ST6GAL2: variants seen among roughly 807,000 people sequenced by gnomAD.
The protein encoded by ST6GAL2 is ST6 beta-galactoside alpha-2,6-sialyltransferase 2, also known as beta-galactoside alpha-2,6-sialyltransferase 2.
Under a neutral mutation model 37.5 loss-of-function variants are expected in ST6GAL2, and 24 were observed. The ratio of observed to expected loss-of-function variants is 0.64; its 90% CI spans 0.46 to 0.90. The LOEUF (loss-of-function observed/expected upper bound fraction) is 0.90, where lower values mean the gene tolerates loss of function less well. ST6GAL2 is among the 40% of genes least tolerant of loss of function. The pLI, the probability that ST6GAL2 is intolerant of heterozygous loss-of-function variation, is 0.00. For missense variants in ST6GAL2, 715 were observed against 712.7 expected, an observed-to-expected ratio of 1.00 and a Z score of -0.04; for synonymous variants, 306 against 295.1, an observed-to-expected ratio of 1.04 and a Z score of -0.38.
In ST6GAL2 at chr2:106,806,542, GATT is replaced by G; in HGVS notation, c.*133_*135del. Reference sequence around the variant, plus strand: ...ATACTCAATGGCTTAGAAAGAGAAGGATTATCATGACCACCACTAAATTACTGT... The same window carrying G: ...ATACTCAATGGCTTAGAAAGAGAAGGATCATGACCACCACTAAATTACTGT... On this transcript the variant is annotated 3_prime_UTR_variant, in exon 6 of 6. Coordinates refer to ENST00000409382, the MANE Select transcript of ST6GAL2 (RefSeq NM_001142351.2). 3.1e-6 allele frequency: 3 copies of G among 968,340 alleles called. No individual in the cohort carries two copies. Among genetic ancestry groups the G allele is most frequent in the Non-Finnish European group, 4.6e-6 (3 of 650,450 alleles). 60.0% of individuals were successfully genotyped at this position (968,340 alleles called of 1,614,324 possible). A position where few individuals can be genotyped will look rare whatever the true frequency, so the allele number is the denominator to read the frequency against.
At chr2:106,810,898 C>T (rs887631675) in intron 5 of ST6GAL2, among the ~76,000 whole-genome samples, 11 of 152,006 alleles carry the variant, frequency 7.2e-5, no homozygotes, top group Admixed American at 6.5e-4. Flanking sequence ...CTGCAGTGAG[C>T]CATGATTGTG....
intron 1 of ST6GAL2, among the ~76,000 whole-genome samples, chr2:106,882,370 T>A (rs951222544): frequency 6.6e-6 from 1 of 152,194 alleles, no homozygotes; most frequent in Non-Finnish European, 1.5e-5. Flanking sequence ...GCACTTTACC[T>A]TCCTGAGGTT....
Position 106,805,744 on chromosome 2 carries a change from G to A in ST6GAL2, c.*934C>T, listed in dbSNP as rs995242895. 7.9e-5 allele frequency: 12 copies of A among 152,208 alleles called. No homozygotes were observed. Among genetic ancestry groups the A allele is most frequent in the African/African-American group, 2.9e-4 (12 of 41,442 alleles). The allele number at this position is 152,208 out of a possible 1,614,324, so 9.4% of individuals were successfully genotyped here. A position where few individuals can be genotyped will look rare whatever the true frequency, so the allele number is the denominator to read the frequency against. On this transcript the variant is annotated 3_prime_UTR_variant, in exon 6 of 6. Coordinates refer to ENST00000409382, the MANE Select transcript of ST6GAL2 (RefSeq NM_001142351.2). ...GCTCCAAAATCTTTCCTTCTAGTTT[G>A]GAAGGAGCAAGGTGTCTCCCGTCTT...
intron 1 of ST6GAL2, among the ~76,000 whole-genome samples, chr2:106,870,062 G>A (rs1678200282): frequency 6.6e-6 from 1 of 152,184 alleles, no homozygotes; most frequent in Non-Finnish European, 1.5e-5. Flanking sequence ...AGTGAGAGGA[G>A]GGTGGGAAAG....
chr2:106,834,000 A>C (rs769964281), intron 3 of ST6GAL2, 49 bp downstream of exon 3: 1 of 1,378,486 alleles, frequency 7.3e-7, no homozygotes, highest in Non-Finnish European at 1.0e-6. Context: ...TCACTCATCC[A>C]GTTAAACCTA....
In ST6GAL2 at chr2:106,802,683, A is replaced by G. The variant is rs1251712242; in HGVS notation, c.*3995T>C. ...TGGAGTTGCCTTGATCAGTCATGTA[A>G]CCACTGGGTAAGAGTTCTAAACTAT... is the stretch of plus-strand genomic sequence containing the variant. On this transcript the variant is annotated 3_prime_UTR_variant, in exon 6 of 6. Coordinates refer to ENST00000409382, the MANE Select transcript of ST6GAL2 (RefSeq NM_001142351.2). 6.6e-6 allele frequency: 1 copy of G among 152,230 alleles called. No homozygotes were observed. Among genetic ancestry groups the G allele is most frequent in the East Asian group, 1.9e-4 (1 of 5,202 alleles). The allele number at this position is 152,230 out of a possible 1,614,324, so 9.4% of individuals were successfully genotyped here.
intron 1 of ST6GAL2, among the ~76,000 whole-genome samples, chr2:106,847,281 C>T (rs1385986501): frequency 3.9e-5 from 6 of 152,356 alleles, no homozygotes; most frequent in Middle Eastern, 3.4e-3. Context: ...TCTGGGCCCA[C>T]ACTTTGAGTA....
intron 5 of ST6GAL2, among the ~76,000 whole-genome samples, chr2:106,822,159 G>T (rs1283834398): frequency 6.6e-6 from 1 of 151,988 alleles, no homozygotes; most frequent in East Asian, 1.9e-4. Context: ...CCTAGCTAGA[G>T]CAATCAGAGA....
At chr2:106,830,773 GT>G (rs1403861329) in intron 4 of ST6GAL2, among the ~76,000 whole-genome samples, 1 of 152,098 alleles carries the variant, frequency 6.6e-6, no homozygotes, top group Non-Finnish European at 1.5e-5. Flanking sequence ...AAATTGTATC[GT>G]TGCTGCTTGG....
chr2:106,813,061 C>T, intron 5 of ST6GAL2: 1 of 1,229,454 alleles, frequency 8.1e-7, no homozygotes. Context: ...GGGTATGGGG[C>T]CAGCTGTTTT....
chr2:106,821,751 T>C (rs933781969), intron 5 of ST6GAL2, among the ~76,000 whole-genome samples: 1 of 152,018 alleles, frequency 6.6e-6, no homozygotes, highest in African/African-American at 2.4e-5. Context: ...ATATTGATTT[T>C]AAAAAATCCT....
intron 1 of ST6GAL2, among the ~76,000 whole-genome samples, chr2:106,880,330 A>G (rs972730048): frequency 6.6e-6 from 1 of 152,230 alleles, no homozygotes; most frequent in Admixed American, 6.5e-5. Flanking sequence ...CTTCTGGCTG[A>G]CCTAAAACAT....
intron 1 of ST6GAL2, among the ~76,000 whole-genome samples, chr2:106,878,052 C>T (rs946758367): frequency 3.3e-5 from 5 of 152,228 alleles, no homozygotes; most frequent in East Asian, 1.9e-4. Context: ...CAAATCTGTA[C>T]GCCCGTCACA....
intron 3 of ST6GAL2, 150 bp from the exon 4 acceptor site, chr2:106,832,816 G>A (rs761495371): frequency 6.4e-5 from 43 of 670,508 alleles, no homozygotes; most frequent in Non-Finnish European, 9.1e-5. Flanking sequence ...AGAGGCAGGC[G>A]TTGCATGCAG....
intron 2 of ST6GAL2, chr2:106,834,774 C>T (rs1394183571): frequency 6.6e-6 from 1 of 152,472 alleles, no homozygotes; most frequent in African/African-American, 2.4e-5. Flanking sequence ...TGCCAGACCA[C>T]CATAGCCCCT....
At chr2:106,838,240 T>G (rs1330736618) in intron 2 of ST6GAL2, among the ~76,000 whole-genome samples, 1 of 152,168 alleles carries the variant, frequency 6.6e-6, no homozygotes, top group East Asian at 1.9e-4. Context: ...TCCTTGAGAA[T>G]GGAGCCAGAC....
chr2:106,845,668 C>T (rs938071278), intron 1 of ST6GAL2, among the ~76,000 whole-genome samples: 7 of 152,152 alleles, frequency 4.6e-5, no homozygotes, highest in Non-Finnish European at 8.8e-5. Flanking sequence ...CATACAATGT[C>T]GCTGGTGGGA....
chr2:106,877,098 G>T (rs1042311111), intron 1 of ST6GAL2, among the ~76,000 whole-genome samples: 3 of 152,146 alleles, frequency 2.0e-5, no homozygotes, highest in Admixed American at 6.5e-5. Context: ...GACATTTCTG[G>T]GTTGAAGACT....
chr2:106,805,926 G>A lies in ST6GAL2; in HGVS notation c.*752C>T, dbSNP rs1486519340. ...TGATTCTATGTTACTTGCCAGTGATGTGCCTCCTGGTGGATGTGATACTAA... is the reference window on the plus strand; with the variant it reads ...TGATTCTATGTTACTTGCCAGTGATATGCCTCCTGGTGGATGTGATACTAA... On this transcript the variant is annotated 3_prime_UTR_variant, in exon 6 of 6. Transcript: ENST00000409382. 1.3e-5 allele frequency: 2 copies of A among 152,318 alleles called. No homozygotes were observed. The highest frequency in any genetic ancestry group is 2.4e-5 in the African/African-American group (1 of 41,452). 9.4% of individuals were successfully genotyped at this position (152,318 alleles called of 1,614,324 possible).
Sources: gnomAD v4.1 joint callset for allele counts (sites outside exome capture counted in the v4.1 genomes callset) on GRCh38, gnomAD v4.1.1 for gene constraint, MANE v1.5 for transcripts, NCBI Gene and HGNC (gene_info 2026-07-23, HGNC 2026-07-21) for gene names.